The following RASA4B variants were observed in gnomAD, a reference collection of about 807,000 sequenced individuals.
The protein encoded by RASA4B is RAS p21 protein activator 4B.
RASA4B carries 2 observed loss-of-function variants against 24.2 expected under a neutral mutation model. That is an observed-to-expected ratio of 0.08 (90% CI 0.03 to 0.26). The LOEUF is 0.26. Ranked by LOEUF, RASA4B falls within the 10% of genes least tolerant of loss-of-function variation. RASA4B has a pLI of 1.00. For missense variants in RASA4B, 8 were observed against 277.2 expected (o/e 0.03, Z 6.90); for synonymous variants, 2 against 125.6 (o/e 0.02, Z 6.58).
At chr7:102,504,861 C>T (rs1490685469) in intron 5 of RASA4B, among the ~76,000 whole-genome samples, 5 of 142,986 alleles carry the variant, frequency 3.5e-5, no homozygotes, top group Admixed American at 7.2e-5. Flanking sequence ...ATTAGCCGGG[C>T]GTGGTGGTGC....
At position 102,480,117 on chromosome 7, in the gene RASA4B, A is replaced by G. The variant is rs1299058051; in HGVS notation, c.*3475T>C. On this transcript the variant is annotated 3_prime_UTR_variant, in exon 21 of 21. Transcript: ENST00000465829. ...AAGACAAGAGTGCGAGCTTTCTGTT[A>G]TGCCCGGACAGGGCCACCAGAGGGC... Among the ~76,000 whole-genome samples, 1 of 152,134 alleles carries G rather than the reference A, an allele frequency of 6.6e-6. No individual in the cohort carries two copies. The highest frequency in any genetic ancestry group is 1.5e-5 in the Non-Finnish European group (1 of 68,018).
At chr7:102,506,391 C>T (rs1323581870) in intron 5 of RASA4B, among the ~76,000 whole-genome samples, 2 of 152,124 alleles carry the variant, frequency 1.3e-5, no homozygotes, top group Middle Eastern at 3.4e-3. Context: ...AGATTACAGG[C>T]GCCTGCCACC....
chr7:102,498,442 A>G (rs769588597), intron 8 of RASA4B, among the ~76,000 whole-genome samples: 7,644 of 136,166 alleles, frequency 0.056, 103 homozygotes, highest in African/African-American at 0.1. Context: ...TTGTATTTTT[A>G]GTACAGACGG....
At chr7:102,497,748 GAGCCAGGATTGCACCACTGCACTCC>G in intron 8 of RASA4B, among the ~76,000 whole-genome samples, 1 of 145,528 alleles carries the variant, frequency 6.9e-6, no homozygotes, top group African/African-American at 2.5e-5. Context: ...AGGTTGCAGT[GAGCCAGGATTGCACCACTGCACTCC>G]AGCCTGACTC....
At chr7:102,513,200 G>A (rs1223838644) in intron 1 of RASA4B, among the ~76,000 whole-genome samples, 5 of 141,664 alleles carry the variant, frequency 3.5e-5, no homozygotes, top group African/African-American at 7.7e-5. Context: ...AGGACGGGAC[G>A]GGGAGGAAGG....
chr7:102,492,798 G>T (rs1441804181), intron 16 of RASA4B, among the ~76,000 whole-genome samples: 46 of 121,300 alleles, frequency 3.8e-4, no homozygotes, highest in African/African-American at 1.1e-3. Flanking sequence ...CCGAGTAGCT[G>T]GGACTACAGG....
rs182807248 is a variant in RASA4B, at chr7:102,480,248, A to C, written c.*3344T>G. Among the ~76,000 whole-genome samples, 63 of 152,202 alleles carry C rather than the reference A, an allele frequency of 4.1e-4. No homozygotes were observed. The highest frequency in any genetic ancestry group is 5.1e-4 in the Non-Finnish European group (35 of 68,038). On this transcript the variant is annotated 3_prime_UTR_variant, in exon 21 of 21. Coordinates refer to ENST00000465829, the MANE Select transcript of RASA4B (RefSeq NM_001367767.2). ...CAAGGAAAAACACCCGCTACTTAGC[A>C]GACCAGGAAAGGGAGTGTACAGTGA...
intron 4 of RASA4B, among the ~76,000 whole-genome samples, chr7:102,507,232 C>CA (rs766013501): frequency 2.2e-3 from 26 of 12,082 alleles, no homozygotes; most frequent in African/African-American, 3.1e-3. Context: ...GACCCCATCT[C>CA]AAAAAAAAAA....
At chr7:102,506,238 C>T in intron 5 of RASA4B, among the ~76,000 whole-genome samples, 1 of 152,176 alleles carries the variant, frequency 6.6e-6, no homozygotes, top group Non-Finnish European at 1.5e-5. Context: ...CTCCCCAGAC[C>T]CTCTCTTTTT....
chr7:102,504,237 T>C (rs1165262517), intron 5 of RASA4B, among the ~76,000 whole-genome samples: 9 of 152,296 alleles, frequency 5.9e-5, no homozygotes, highest in African/African-American at 1.9e-4. Flanking sequence ...GCCTCCCAAG[T>C]AGTTGGCACT....
chr7:102,484,665 A>T (rs1798645827), intron 19 of RASA4B, among the ~76,000 whole-genome samples: 2 of 135,800 alleles, frequency 1.5e-5, no homozygotes, highest in African/African-American at 5.1e-5. Context: ...GGGCCTTGGC[A>T]TCCTGTTTTT....
At chr7:102,489,477 T>C (rs138016001) in intron 17 of RASA4B, among the ~76,000 whole-genome samples, 12,102 of 104,066 alleles carry the variant, frequency 0.12, 14 homozygotes, top group Middle Eastern at 0.15. Flanking sequence ...GACCACTCTT[T>C]AATTAATTTA....
chr7:102,510,405 TCCCTGTGCCAGA>T (rs1288457934), intron 2 of RASA4B, 113 bp from the exon 3 acceptor site: 1 of 74,114 alleles, frequency 1.3e-5, no homozygotes, highest in African/African-American at 3.8e-5. Context: ...TGATGTGTTT[TCCCTGTGCCAGA>T]CCCTACTGTT....
At chr7:102,513,036 C>T (rs1387436721) in intron 1 of RASA4B, among the ~76,000 whole-genome samples, 43 of 151,370 alleles carry the variant, frequency 2.8e-4, no homozygotes, top group African/African-American at 8.3e-4. Flanking sequence ...CTCCAAGCAA[C>T]AGCCCCAGGC....
intron 1 of RASA4B, among the ~76,000 whole-genome samples, chr7:102,512,446 T>G (rs1452467363): frequency 4.3e-4 from 1 of 2,350 alleles, no homozygotes; most frequent in Admixed American, 4.7e-3. Flanking sequence ...AGGAGAGAGG[T>G]GGGGGTTAAG....
intron 17 of RASA4B, among the ~76,000 whole-genome samples, chr7:102,489,499 A>G (rs1798825104): frequency 7.5e-6 from 1 of 133,100 alleles, no homozygotes; most frequent in Non-Finnish European, 1.6e-5. Flanking sequence ...TAATTAATTT[A>G]TTTATTTATT....
At chr7:102,497,922 T>A (rs1799217786) in intron 8 of RASA4B, among the ~76,000 whole-genome samples, 1 of 67,244 alleles carries the variant, frequency 1.5e-5, no homozygotes, top group Non-Finnish European at 3.2e-5. Context: ...GGAATGGGGG[T>A]CTGGGGCCTT....
intron 14 of RASA4B, 23 bp from the exon 15 acceptor site, chr7:102,493,992 C>T (rs1344549885): frequency 4.8e-6 from 2 of 414,224 alleles, no homozygotes; most frequent in African/African-American, 3.3e-5. Flanking sequence ...GCAGGAAGGA[C>T]CAGGTTCTGC....
At chr7:102,497,466 C>T (rs1170812119) in intron 8 of RASA4B, among the ~76,000 whole-genome samples, 2 of 152,252 alleles carry the variant, frequency 1.3e-5, no homozygotes, top group African/African-American at 2.4e-5. Flanking sequence ...CTCCCACTGC[C>T]CCTGCTCAGC....
Sources: allele counts gnomAD v4.1 joint callset (sites outside exome capture counted in the v4.1 genomes callset), GRCh38; gene constraint gnomAD v4.1.1; transcripts MANE v1.5; gene names NCBI Gene and HGNC (gene_info 2026-07-23, HGNC 2026-07-21).